PCDHA8: variants seen among roughly 807,000 people sequenced by gnomAD.
The protein encoded by PCDHA8 is protocadherin alpha 8, also known as protocadherin alpha-8.
In PCDHA8, 53 loss-of-function variants were observed where a neutral mutation model predicts 61.8. That is an observed-to-expected ratio of 0.86 (90% confidence interval 0.69 to 1.08). PCDHA8 has a LOEUF of 1.08. Ranked by LOEUF, PCDHA8 falls within the 50% of genes least tolerant of loss-of-function variation. The probability of loss-of-function intolerance (pLI) is 0.00; values close to 1 mark genes in which losing one functional copy is unlikely to be tolerated. For synonymous variants in PCDHA8, 618 were observed against 556.6 expected, an observed-to-expected ratio of 1.11 and a Z score of -1.55; for missense variants, 1,293 against 1,245.0, an observed-to-expected ratio of 1.04 and a Z score of -0.58.
At chr5:140,875,478 G>A (rs2055526738) in intron 1 of PCDHA8, 1 of 1,610,404 alleles carries the variant, frequency 6.2e-7, no homozygotes, top group Admixed American at 1.7e-5. Flanking sequence ...CTGCAATGGT[G>A]ATTATCGGAC....
chr5:140,980,522 A>G (rs1341350940), intron 2 of PCDHA8, among the ~76,000 whole-genome samples: 2 of 152,074 alleles, frequency 1.3e-5, no homozygotes, highest in Non-Finnish European at 2.9e-5. Flanking sequence ...TCCAGCTACT[A>G]GGGAGGCTGA....
intron 1 of PCDHA8, chr5:140,856,893 C>T (rs267600397): frequency 6.3e-7 from 1 of 1,596,420 alleles, no homozygotes; most frequent in Non-Finnish European, 8.6e-7. Flanking sequence ...TCATTTAGCT[C>T]TTTGGTCCCA....
At chr5:140,864,520 C>T (rs1354044181) in intron 1 of PCDHA8, 1 of 152,154 alleles carries the variant, frequency 6.6e-6, no homozygotes, top group Admixed American at 6.5e-5. Context: ...GGTGATTTTA[C>T]TTCTTAATTT....
intron 1 of PCDHA8, among the ~76,000 whole-genome samples, chr5:140,973,570 T>C (rs1211629419): frequency 6.6e-6 from 1 of 152,232 alleles, no homozygotes; most frequent in Non-Finnish European, 1.5e-5. Flanking sequence ...CCTCAATTTT[T>C]CTACAGACTG....
intron 3 of PCDHA8, among the ~76,000 whole-genome samples, chr5:141,001,177 T>G (rs2097996689): frequency 6.6e-6 from 1 of 152,154 alleles, no homozygotes; most frequent in Non-Finnish European, 1.5e-5. Context: ...TAACGAGTTT[T>G]TACTTTGCAC....
intron 1 of PCDHA8, among the ~76,000 whole-genome samples, chr5:140,904,512 C>A (rs1251570223): frequency 2.0e-5 from 3 of 151,738 alleles, no homozygotes; most frequent in African/African-American, 7.3e-5. Flanking sequence ...GTGAATTGTG[C>A]TGCTATAAAC....
rs546596358 is a variant in PCDHA8, at chr5:140,863,481, A to G, written c.2394+19766A>G. The G allele has an allele frequency of 1.2e-4, 54 of 468,998 alleles. No homozygotes were observed. The Middle Eastern group carries it at 1.4e-3, about 12-fold the overall frequency. The allele number at this position is 468,998 out of a possible 1,614,324, so 29.1% of individuals were successfully genotyped here. Reference sequence around the variant, plus strand: ...ATTTTACTCTGGAGAGTCGCCTCCCAAGGTCAACATTACGGCTTTTAGTCC... The same window carrying G: ...ATTTTACTCTGGAGAGTCGCCTCCCGAGGTCAACATTACGGCTTTTAGTCC... On this transcript the variant is annotated intron_variant, in intron 1 of 3. Coordinates refer to ENST00000531613, the MANE Select transcript of PCDHA8 (RefSeq NM_018911.3).
At chr5:140,937,981 T>TA (rs1554211927) in intron 1 of PCDHA8, among the ~76,000 whole-genome samples, 2 of 152,254 alleles carry the variant, frequency 1.3e-5, no homozygotes, top group Non-Finnish European at 2.9e-5. Flanking sequence ...ATACTGATTT[T>TA]ATGTTAACTT....
intron 1 of PCDHA8, chr5:140,875,861 C>T (rs2055878739): frequency 6.2e-7 from 1 of 1,614,020 alleles, no homozygotes; most frequent in Non-Finnish European, 8.5e-7. Context: ...AACGACAACC[C>T]GCCGGTGTTC....
intron 1 of PCDHA8, chr5:140,930,410 CAG>C (rs2086812971): frequency 6.7e-6 from 1 of 149,986 alleles, no homozygotes; most frequent in South Asian, 2.1e-4. Flanking sequence ...TTTTTTGAGA[CAG>C]GGGTCTCACT....
At chr5:140,945,155 A>G (rs566867183) in intron 1 of PCDHA8, among the ~76,000 whole-genome samples, 22 of 152,284 alleles carry the variant, frequency 1.4e-4, no homozygotes, top group African/African-American at 5.3e-4. Context: ...TCTATACACT[A>G]TTGAACTATC....
intron 1 of PCDHA8, chr5:140,884,110 G>A: frequency 6.2e-7 from 1 of 1,613,438 alleles, no homozygotes; most frequent in Non-Finnish European, 8.5e-7. Flanking sequence ...TGCAGCTGGC[G>A]GCGGTCGGCG....
At chr5:140,883,792 G>C (rs1050179503) in intron 1 of PCDHA8, 7 of 1,612,560 alleles carry the variant, frequency 4.3e-6, no homozygotes, top group African/African-American at 1.3e-5. Flanking sequence ...CGAGCTACGT[G>C]TCGGTGCACG....
At chr5:140,950,073 G>T (rs2094447306) in intron 1 of PCDHA8, among the ~76,000 whole-genome samples, 1 of 151,672 alleles carries the variant, frequency 6.6e-6, no homozygotes, top group Non-Finnish European at 1.5e-5. Flanking sequence ...CTGTGCCATT[G>T]CTTATGCTAT....
At chr5:140,975,309 T>C (rs182558596) in intron 1 of PCDHA8, among the ~76,000 whole-genome samples, 161 of 152,342 alleles carry the variant, frequency 1.1e-3, no homozygotes, top group African/African-American at 3.2e-3. Flanking sequence ...CTCATGTGAT[T>C]ATGTCAGTCC....
intron 1 of PCDHA8, among the ~76,000 whole-genome samples, chr5:140,963,268 T>C (rs1329086504): frequency 6.6e-6 from 1 of 152,042 alleles, no homozygotes; most frequent in African/African-American, 2.4e-5. Flanking sequence ...GACTTTGAAA[T>C]GTATGTAAGA....
chr5:140,849,396 G>A (rs1554142933), intron 1 of PCDHA8: 1 of 1,544,756 alleles, frequency 6.5e-7, no homozygotes, highest in Non-Finnish European at 8.8e-7. Context: ...CTTAAGTGGG[G>A]CAATCACAGT....
rs1223944877 is a variant in PCDHA8 at position 140,841,869 on chromosome 5, A to G, written c.548A>G (p.Asn183Ser). ...CATGATTACTTCATGCTAGATGTGA[A>G]TTCAAAGAACGATGAGAATAAACTG... ...SSHDYFMLDV[N>S]SKNDENKLVE... Residue 183 changes from asparagine to serine, a missense_variant, in exon 1 of 4, where the codon AAT (asparagine) becomes AGT (serine). Transcript: ENST00000531613. The G allele has an allele frequency of 6.2e-7, 1 of 1,613,734 alleles. No homozygotes were observed. The highest frequency in any genetic ancestry group is 1.3e-5 in the African/African-American group (1 of 74,842).
At chr5:140,996,386 C>G (rs574909973) in intron 3 of PCDHA8, among the ~76,000 whole-genome samples, 1 of 152,268 alleles carries the variant, frequency 6.6e-6, no homozygotes, top group South Asian at 2.1e-4. Flanking sequence ...GAAATAATGC[C>G]TCATAGAGTT....
Sources: allele counts gnomAD v4.1 joint callset (sites outside exome capture counted in the v4.1 genomes callset), GRCh38; gene constraint gnomAD v4.1.1; transcripts MANE v1.5; gene names NCBI Gene and HGNC (gene_info 2026-07-23, HGNC 2026-07-21).